The following CYFIP2 variants were observed in gnomAD, a reference collection of about 807,000 sequenced individuals.
The protein encoded by CYFIP2 is cytoplasmic FMR1-interacting protein 2.
In CYFIP2, 29 loss-of-function variants were observed where a neutral mutation model predicts 158.7. The ratio of observed to expected loss-of-function variants is 0.18; its 90% CI spans 0.14 to 0.25. CYFIP2 has a LOEUF of 0.25. Among genes scored for constraint, CYFIP2 ranks in the 10% least tolerant of loss-of-function variants. The probability of loss-of-function intolerance (pLI) is 1.00; values close to 1 mark genes in which losing one functional copy is unlikely to be tolerated. For synonymous variants in CYFIP2, 585 were observed against 617.6 expected (o/e 0.95, Z 0.78); for missense variants, 852 against 1,639.5 (o/e 0.52, Z 8.29).
At chr5:157,286,078 A>G (rs1757352089) in intron 2 of CYFIP2, among the ~76,000 whole-genome samples, 1 of 152,200 alleles carries the variant, frequency 6.6e-6, no homozygotes, top group South Asian at 2.1e-4. Flanking sequence ...ACCTTTTGAT[A>G]GTTCTCAGAT....
chr5:157,340,340 C>T (rs1037223912), intron 22 of CYFIP2, among the ~76,000 whole-genome samples: 62 of 151,466 alleles, frequency 4.1e-4, no homozygotes, highest in African/African-American at 1.5e-3. Context: ...GAGATATCCA[C>T]AAATGCACCT....
intron 20 of CYFIP2, among the ~76,000 whole-genome samples, chr5:157,331,951 C>T (rs1373522320): frequency 6.6e-6 from 1 of 152,170 alleles, no homozygotes; most frequent in Non-Finnish European, 1.5e-5. Context: ...CGCGTGTACC[C>T]CAGTGGAAAG....
intron 22 of CYFIP2, among the ~76,000 whole-genome samples, chr5:157,340,796 T>G (rs1057194539): frequency 5.3e-5 from 8 of 152,206 alleles, no homozygotes; most frequent in Non-Finnish European, 8.8e-5. Context: ...AAGTCCACTC[T>G]TAGTTTCTTG....
chr5:157,296,656 C>T lies in CYFIP2; in HGVS notation c.286-17C>T, dbSNP rs1758278328. 3 of 1,605,760 alleles carry T rather than the reference C, an allele frequency of 1.9e-6. No individual in the cohort carries two copies. Among genetic ancestry groups the T allele is most frequent in the South Asian group, 1.1e-5 (1 of 90,904 alleles). On this transcript the variant is annotated splice_polypyrimidine_tract_variant and intron_variant, in intron 4 of 30. Transcript: ENST00000620254. ...AGGTGTAAACCAGGATGTGTGTGTC[C>T]CCATTATCCCCCACAGGTGAAATGC...
chr5:157,288,815 A>G (rs1757599108), intron 3 of CYFIP2, among the ~76,000 whole-genome samples: 1 of 152,198 alleles, frequency 6.6e-6, no homozygotes, highest in Non-Finnish European at 1.5e-5. Flanking sequence ...CCTTGCAGAC[A>G]AACAAAAATA....
chr5:157,311,505 G>A lies in CYFIP2; in HGVS notation c.993-159G>A, dbSNP rs1398429373. On this transcript the variant is annotated intron_variant, in intron 10 of 30. Coordinates refer to ENST00000620254, the MANE Select transcript of CYFIP2 (RefSeq NM_001037333.3). The surrounding 1 kb of genome is among the most constrained non-coding windows in gnomAD (Gnocchi z 4.7). ...CCATTAGGCCTGAAGCTCCCACAGT[G>A]TTGGACTTAGCAGGCTTTCTTGCTG... 10 of 630,776 alleles carry A rather than the reference G, an allele frequency of 1.6e-5. No homozygotes were observed. The highest frequency in any genetic ancestry group is 2.3e-5 in the Non-Finnish European group (8 of 351,144). 39.1% of individuals were successfully genotyped at this position (630,776 alleles called of 1,614,324 possible). A position where few individuals can be genotyped will look rare whatever the true frequency, so the allele number is the denominator to read the frequency against.
At chr5:157,303,669 T>C (rs1377645046) in intron 7 of CYFIP2, among the ~76,000 whole-genome samples, 1 of 152,144 alleles carries the variant, frequency 6.6e-6, no homozygotes, top group Non-Finnish European at 1.5e-5. Flanking sequence ...TTCTCTTGCC[T>C]GTGGGAAGTA....
rs200774279 is a variant in CYFIP2 at position 157,390,602 on chromosome 5, C to T, written c.3528C>T (p.Phe1176=). Residue 1176 remains phenylalanine (F), a synonymous_variant, in exon 30 of 31, where the codon TTC becomes TTT. Coordinates refer to ENST00000620254, the MANE Select transcript of CYFIP2 (RefSeq NM_001037333.3). ...GCCAGCAGCGTCGCTTTGACCTGTT[C>T]GACTTCTGTTACCACCTGCTAAAAG... ...LLGQQRRFDL[F]DFCYHLLKVQ... is the part of the protein sequence containing the mutation. The T allele has an allele frequency of 1.7e-5, 26 of 1,569,738 alleles. No individual in the cohort carries two copies. The highest frequency in any genetic ancestry group is 3.5e-4 in the Middle Eastern group (2 of 5,646).
chr5:157,319,893 G>A lies in CYFIP2; in HGVS notation c.1488G>A (p.Arg496=), dbSNP rs1760450349. The A allele has an allele frequency of 6.2e-7, 1 of 1,614,060 alleles. No individual in the cohort carries two copies. Among genetic ancestry groups the A allele is most frequent in the Non-Finnish European group, 8.5e-7 (1 of 1,179,892 alleles). Residue 496 remains arginine (R), a synonymous_variant, in exon 14 of 31, where the codon CGG becomes CGA. Transcript: ENST00000620254. ...AGGTGACGCTGCGTGAGCCCCTGCG[G>A]CAGGCGGTACGGAAGAAGAAGAATG... is the stretch of plus-strand genomic sequence containing the variant. ...FAQVTLREPL[R]QAVRKKKNVL...
At chr5:157,390,271 ATT>A (rs59915963) in intron 29 of CYFIP2, among the ~76,000 whole-genome samples, 11,598 of 148,582 alleles carry the variant, frequency 0.078, 517 homozygotes, top group South Asian at 0.16. Flanking sequence ...TTTAGAGCTG[ATT>A]TTTTTTTTTT....
intron 26 of CYFIP2, chr5:157,364,742 T>C (rs1764207351): frequency 6.6e-6 from 1 of 152,142 alleles, no homozygotes; most frequent in Admixed American, 6.5e-5. Context: ...AGGCATGAGC[T>C]TTCTGGAGTT....
intron 26 of CYFIP2, among the ~76,000 whole-genome samples, chr5:157,371,490 C>A (rs1764993330): frequency 6.6e-6 from 1 of 151,960 alleles, no homozygotes; most frequent in Admixed American, 6.5e-5. Context: ...TGAACAGAAC[C>A]CTAAAGGTAG....
intron 1 of CYFIP2, among the ~76,000 whole-genome samples, chr5:157,276,294 G>A (rs1756539278): frequency 6.6e-6 from 1 of 152,130 alleles, no homozygotes; most frequent in Admixed American, 6.5e-5. Flanking sequence ...TTGTCAAGTT[G>A]AGGATATTCT....
intron 13 of CYFIP2, among the ~76,000 whole-genome samples, chr5:157,317,751 G>C (rs1031994231): frequency 1.4e-4 from 22 of 151,938 alleles, no homozygotes; most frequent in Non-Finnish European, 1.5e-4. Context: ...TTTTTATTTT[G>C]TTTTCTATGA....
intron 18 of CYFIP2, 23 bp downstream of exon 18, chr5:157,326,290 T>C: frequency 1.3e-6 from 2 of 1,588,212 alleles, no homozygotes; most frequent in Non-Finnish European, 1.7e-6. Context: ...CTTCTCTTTT[T>C]GCTCCTTTAA....
chr5:157,302,724 C>G, intron 6 of CYFIP2, 70 bp from the exon 7 acceptor site: 1 of 1,258,062 alleles, frequency 7.9e-7, no homozygotes, highest in Non-Finnish European at 1.1e-6. Context: ...GGCATGCGAG[C>G]CCGTGAGGCA....
rs186903137 is a variant in CYFIP2 at position 157,288,593 on chromosome 5, G to A, written c.207+1485G>A. On this transcript the variant is annotated intron_variant, in intron 3 of 30. Coordinates refer to ENST00000620254, the MANE Select transcript of CYFIP2 (RefSeq NM_001037333.3). ...GAAATAGATAAGCTTACCATTTATC[G>A]AATGCTTTTTCTATACAGATATTTT... 2.7e-4 allele frequency: 124 copies of A among 456,002 alleles called. No homozygotes were observed. The Middle Eastern group carries it at 0.014, about 51-fold the overall frequency. 28.2% of individuals were successfully genotyped at this position (456,002 alleles called of 1,614,324 possible). A position where few individuals can be genotyped will look rare whatever the true frequency, so the allele number is the denominator to read the frequency against.
intron 3 of CYFIP2, among the ~76,000 whole-genome samples, chr5:157,291,539 G>A (rs10078896): frequency 1.4e-3 from 220 of 152,306 alleles, no homozygotes; most frequent in African/African-American, 5.0e-3. Context: ...TGCATGAGTC[G>A]GAATTAACAC....
intron 28 of CYFIP2, 47 bp from the exon 29 acceptor site, chr5:157,389,142 G>C: frequency 1.3e-6 from 2 of 1,523,452 alleles, no homozygotes; most frequent in Middle Eastern, 1.8e-4. Flanking sequence ...GGTGGCAGAT[G>C]GGCTCTAAGA....
Sources: allele counts gnomAD v4.1 joint callset (sites outside exome capture counted in the v4.1 genomes callset), GRCh38; gene constraint gnomAD v4.1.1; non-coding constraint Gnocchi (gnomAD v3.1); transcripts MANE v1.5; gene names NCBI Gene and HGNC (gene_info 2026-07-23, HGNC 2026-07-21).